Variants in RUNDC3A observed in about 807,000 individuals in gnomAD.
RUNDC3A encodes the protein RUN domain-containing protein 3A.
Under a neutral mutation model 53.9 loss-of-function variants are expected in RUNDC3A, and 28 were observed. That is an observed-to-expected ratio of 0.52 (90% CI 0.38 to 0.71). The LOEUF is 0.71. RUNDC3A is among the 30% of genes least tolerant of loss of function. The pLI, the probability that RUNDC3A is intolerant of heterozygous loss-of-function variation, is 0.00. For missense variants in RUNDC3A, 491 were observed against 597.3 expected (o/e 0.82, Z 1.85); for synonymous variants, 232 against 249.4 (o/e 0.93, Z 0.66).
chr17:44,314,776 C>A lies in RUNDC3A; in HGVS notation c.500C>A (p.Ala167Asp). The A allele has an allele frequency of 6.2e-7, 1 of 1,612,584 alleles. No homozygotes were observed. The highest frequency in any genetic ancestry group is 8.5e-7 in the Non-Finnish European group (1 of 1,179,580). The change falls in exon 5 of 11, where the codon GCC (alanine) becomes GAC (aspartate). Residue 167 changes from alanine to aspartate, a missense_variant. Around this residue, in one of 2 missense-constraint regions of RUNDC3A, gnomAD observed 273 missense variants for 389.0 expected, o/e 0.70. Coordinates refer to ENST00000426726, the MANE Select transcript of RUNDC3A (RefSeq NM_001144825.2). ...DSGAIMLRDE[A>D]TILTGMLIGL... is the part of the protein sequence containing the mutation. ...GGAGCCATCATGCTGCGGGATGAAG[C>A]CACCATCCTCACCGGAATGCTGATC...
chr17:44,313,186 C>G lies in RUNDC3A; in HGVS notation c.306C>G (p.Ser102Arg). The G allele has an allele frequency of 1.9e-6, 3 of 1,613,840 alleles. No homozygotes were observed. Among genetic ancestry groups the G allele is most frequent in the Non-Finnish European group, 2.5e-6 (3 of 1,179,826 alleles). Reference protein sequence around the residue: ...GFWDYIRLACSKVPNNCVSSI... With the variant: ...GFWDYIRLACRKVPNNCVSSI... ...GGGACTATATCCGGCTGGCCTGCAGCAAAGTGCCCAACAACTGTGTGAGCA... is the reference window on the plus strand; with the variant it reads ...GGGACTATATCCGGCTGGCCTGCAGGAAAGTGCCCAACAACTGTGTGAGCA... The change falls in exon 3 of 11, where the codon AGC (serine) becomes AGG (arginine). Residue 102 changes from serine to arginine, a missense_variant. Transcript: ENST00000426726.
chr17:44,318,130 C>A lies in RUNDC3A; in HGVS notation c.1233C>A (p.Cys411Ter), dbSNP rs762282966. Residue 411 changes from cysteine to a stop codon, truncating the protein, a stop_gained, in exon 11 of 11, where the codon TGC (cysteine) becomes TGA (stop). Transcript: ENST00000426726. LOFTEE classifies it high-confidence loss of function. ...KDPTPSMLGL[C>*]GSLASIPSCK... ...CCACGCCCTCCATGCTGGGCCTCTG[C>A]GGCTCCCTGGCCTCCATTCCCAGCT... The A allele has an allele frequency of 7.1e-6, 11 of 1,551,398 alleles. No homozygotes were observed. The highest frequency in any genetic ancestry group is 9.6e-6 in the Non-Finnish European group (11 of 1,146,982).
chr17:44,313,675 ACT>A, intron 4 of RUNDC3A, 172 bp downstream of exon 4: 2 of 1,264,220 alleles, frequency 1.6e-6, no homozygotes, highest in South Asian at 2.7e-5. Flanking sequence ...CCCAGGACGA[ACT>A]CTTTTTTTTT....
At position 44,314,838 on chromosome 17, in the gene RUNDC3A, G is replaced by A. The variant is rs2047824350; in HGVS notation, c.548+14G>A. ...CATCGACTTCAGGTGGGGTCTGCCTGACGGCAGTGGTGGAGGGGGCTGTTT... is the reference window on the plus strand; with the variant it reads ...CATCGACTTCAGGTGGGGTCTGCCTAACGGCAGTGGTGGAGGGGGCTGTTT... On this transcript the variant is annotated intron_variant, in intron 5 of 10. Transcript: ENST00000426726. 1 of 1,613,846 alleles carries A rather than the reference G, an allele frequency of 6.2e-7. No individual in the cohort carries two copies. Among genetic ancestry groups the A allele is most frequent in the African/African-American group, 1.3e-5 (1 of 74,946 alleles).
intron 10 of RUNDC3A, 95 bp downstream of exon 10, chr17:44,316,820 CTTT>C (rs35019446): frequency 0.05 from 19,221 of 388,012 alleles, no homozygotes; most frequent in East Asian, 0.071. Context: ...TTCTCTTAGT[CTTT>C]TTTTTTTTTT....
Position 44,314,971 on chromosome 17 carries a change from G to A in RUNDC3A, c.591G>A (p.Val197=). 6.2e-7 allele frequency: 1 copy of A among 1,614,012 alleles called. No individual in the cohort carries two copies. Among genetic ancestry groups the A allele is most frequent in the Non-Finnish European group, 8.5e-7 (1 of 1,179,884 alleles). ...KGEVLDGKTP[V]VIDYTPYLKF... ...AAGTCCTGGACGGGAAGACCCCCGT[G>A]GTCATCGATTACACGCCCTACCTAA... The change falls in exon 6 of 11, where the codon GTG becomes GTA. Residue 197 remains valine, a synonymous_variant. Coordinates refer to ENST00000426726, the MANE Select transcript of RUNDC3A (RefSeq NM_001144825.2).
At chr17:44,317,744 C>G in intron 10 of RUNDC3A, 2 of 611,554 alleles carry the variant, frequency 3.3e-6, no homozygotes, top group East Asian at 2.7e-5. Flanking sequence ...CTGTCTCCCC[C>G]ACCAGACTGT....
chr17:44,317,739 T>TC, intron 10 of RUNDC3A: 1 of 612,512 alleles, frequency 1.6e-6, no homozygotes, highest in Non-Finnish European at 2.9e-6. Flanking sequence ...TGTGTCTGTC[T>TC]CCCCCACCAG....
chr17:44,317,013 C>T lies in RUNDC3A; in HGVS notation c.1198+288C>T. On this transcript the variant is annotated intron_variant, in intron 10 of 10. Coordinates refer to ENST00000426726, the MANE Select transcript of RUNDC3A (RefSeq NM_001144825.2). ...AATTTGTGTATTTTTAGTAGAGACG[C>T]GCGGCTAATTTGTGTATTTTTAGTA... 3 of 427,076 alleles carry T rather than the reference C, an allele frequency of 7.0e-6. No homozygotes were observed. In the South Asian group the frequency reaches 1.3e-4, roughly 19 times the overall value. 26.5% of individuals were successfully genotyped at this position (427,076 alleles called of 1,614,324 possible).
chr17:44,317,515 C>T (rs764379763), intron 10 of RUNDC3A: 21 of 780,782 alleles, frequency 2.7e-5, no homozygotes, highest in Admixed American at 1.5e-4. Flanking sequence ...TGGCTCCCTT[C>T]GAGCGAATGC....
chr17:44,310,839 C>G (rs2047735408), intron 1 of RUNDC3A: 1 of 985,448 alleles, frequency 1.0e-6, no homozygotes, highest in Non-Finnish European at 1.2e-6. Flanking sequence ...CAGGGGAAAT[C>G]AAGCTGGCAG....
Position 44,315,792 on chromosome 17 carries a change from C to A in RUNDC3A, c.953+183C>A. ...CCCACAATGATCTTCTAACATTGCC[C>A]CCAGCATAAGATCCAGTGACTTCCA... On this transcript the variant is annotated intron_variant, in intron 8 of 10. Transcript: ENST00000426726. The surrounding 1 kb of genome is among the most constrained non-coding windows in gnomAD (Gnocchi z 6.1). The A allele has an allele frequency of 2.0e-6, 1 of 488,716 alleles. No homozygotes were observed. Among genetic ancestry groups the A allele is most frequent in the Non-Finnish European group, 3.4e-6 (1 of 297,794 alleles). 30.3% of individuals were successfully genotyped at this position (488,716 alleles called of 1,614,324 possible). A position where few individuals can be genotyped will look rare whatever the true frequency, so the allele number is the denominator to read the frequency against.
At position 44,314,801 on chromosome 17, in the gene RUNDC3A, C is replaced by T. The variant is rs367958604; in HGVS notation, c.525C>T (p.Ile175=). The change falls in exon 5 of 11, where the codon ATC becomes ATT. Residue 175 remains isoleucine (I), a synonymous_variant. Transcript: ENST00000426726. ...DEATILTGML[I]GLSAIDFSFC... ...CCACCATCCTCACCGGAATGCTGATCGGACTGAGCGCCATCGACTTCAGGT... is the reference window on the plus strand; with the variant it reads ...CCACCATCCTCACCGGAATGCTGATTGGACTGAGCGCCATCGACTTCAGGT... The T allele has an allele frequency of 1.2e-6, 2 of 1,613,490 alleles. No homozygotes were observed. The highest frequency in any genetic ancestry group is 1.1e-5 in the South Asian group (1 of 91,070).
chr17:44,317,516 G>T (rs752019641), intron 10 of RUNDC3A: 3 of 780,680 alleles, frequency 3.8e-6, no homozygotes, highest in African/African-American at 1.7e-5. Flanking sequence ...GGCTCCCTTC[G>T]AGCGAATGCC....
At position 44,318,575 on chromosome 17, in the gene RUNDC3A, C is replaced by G; in HGVS notation, c.*337C>G. 1 of 312,604 alleles carries G rather than the reference C, an allele frequency of 3.2e-6. No homozygotes were observed. The highest frequency in any genetic ancestry group is 6.3e-5 in the East Asian group (1 of 15,846). 19.4% of individuals were successfully genotyped at this position (312,604 alleles called of 1,614,324 possible). A position where few individuals can be genotyped will look rare whatever the true frequency, so the allele number is the denominator to read the frequency against. ...GCCCAGCTTCCACACCCCCACCTCCCAGTCTCTAGCCTCTCCATCTGTCTG... is the reference window on the plus strand; with the variant it reads ...GCCCAGCTTCCACACCCCCACCTCCGAGTCTCTAGCCTCTCCATCTGTCTG... On this transcript the variant is annotated 3_prime_UTR_variant, in exon 11 of 11. Coordinates refer to ENST00000426726, the MANE Select transcript of RUNDC3A (RefSeq NM_001144825.2).
intron 1 of RUNDC3A, chr17:44,310,931 C>G (rs948212747): frequency 1.0e-6 from 1 of 985,458 alleles, no homozygotes; most frequent in African/African-American, 1.7e-5. Context: ...GCCACGACCC[C>G]GCTCCTCACC....
intron 1 of RUNDC3A, 123 bp from the exon 2 acceptor site, chr17:44,312,456 GC>G (rs1567853113): frequency 1.6e-6 from 1 of 634,182 alleles, no homozygotes; most frequent in Non-Finnish European, 2.9e-6. Flanking sequence ...CACTCGCTCT[GC>G]CCCCCACCAC....
chr17:44,316,548 G>C (rs1296836452), intron 9 of RUNDC3A, 26 bp downstream of exon 9: 1 of 1,603,114 alleles, frequency 6.2e-7, no homozygotes, highest in Non-Finnish European at 8.5e-7. Context: ...GTGGGGCTTG[G>C]GCCTGAGAGC....
rs1598319528 is a variant in RUNDC3A at position 44,308,647 on chromosome 17, C to T, written c.-186C>T. The T allele has an allele frequency of 2.1e-5, 10 of 467,020 alleles. No homozygotes were observed. In the East Asian group the frequency reaches 3.1e-4, roughly 15 times the overall value. 28.9% of individuals were successfully genotyped at this position (467,020 alleles called of 1,614,324 possible). A position where few individuals can be genotyped will look rare whatever the true frequency, so the allele number is the denominator to read the frequency against. ...GAGCTCCCTCCCCGGCCTTGTTTTG[C>T]TCTGGCATCGCCGCCGGGGGAGGGA... On this transcript the variant is annotated 5_prime_UTR_variant, in exon 1 of 11. Transcript: ENST00000426726.
Sources: gnomAD v4.1 joint callset for allele counts on GRCh38, gnomAD v4.1.1 for gene constraint, gnomAD v4.1.1 regional missense constraint, Gnocchi (gnomAD v3.1) non-coding constraint, MANE v1.5 for transcripts, NCBI Gene and HGNC (gene_info 2026-07-23, HGNC 2026-07-21) for gene names.